The following ADK variants were observed in gnomAD, a reference collection of about 807,000 sequenced individuals.
ADK encodes N6,N6-dimethyladenosine kinase.
In ADK, 24 loss-of-function variants were observed where a neutral mutation model predicts 44.7. The observed-to-expected ratio is 0.54, with a 90% CI of 0.39 to 0.76. The LOEUF is 0.76. ADK is among the 30% of genes least tolerant of loss of function. ADK has a pLI of 0.00. For missense variants in ADK, 321 were observed against 425.1 expected (o/e 0.76, Z 2.15); for synonymous variants, 128 against 142.6 (o/e 0.90, Z 0.73).
At chr10:74,443,215 T>C (rs1258518411) in intron 6 of ADK, among the ~76,000 whole-genome samples, 1 of 152,194 alleles carries the variant, frequency 6.6e-6, no homozygotes, top group East Asian at 1.9e-4. Flanking sequence ...ATATGTTAAT[T>C]GGCTTGATAG....
chr10:74,528,032 A>G (rs1284360728), intron 7 of ADK: 2 of 901,562 alleles, frequency 2.2e-6, no homozygotes, highest in Non-Finnish European at 3.7e-6. Context: ...GTATTCGGCA[A>G]TAAAACCCAG....
At chr10:74,613,881 G>T (rs1852647135) in intron 9 of ADK, among the ~76,000 whole-genome samples, 1 of 152,076 alleles carries the variant, frequency 6.6e-6, no homozygotes, top group Non-Finnish European at 1.5e-5. Flanking sequence ...TGATAACCTT[G>T]TTGGCTTAGA....
At chr10:74,668,989 G>T (rs1463448021) in intron 9 of ADK, among the ~76,000 whole-genome samples, 1 of 150,134 alleles carries the variant, frequency 6.7e-6, no homozygotes, top group Non-Finnish European at 1.5e-5. Flanking sequence ...GTTGGAGTGT[G>T]TTATGATTAT....
At chr10:74,494,824 G>A (rs973414130) in intron 6 of ADK, among the ~76,000 whole-genome samples, 28 of 151,886 alleles carry the variant, frequency 1.8e-4, no homozygotes, top group African/African-American at 5.8e-4. Flanking sequence ...CACCACACCC[G>A]GCCAAGTTCT....
intron 3 of ADK, among the ~76,000 whole-genome samples, chr10:74,272,330 G>A (rs1846464265): frequency 6.6e-6 from 1 of 151,620 alleles, no homozygotes; most frequent in Admixed American, 6.6e-5. Flanking sequence ...TAGGCTGAGT[G>A]CAGTGGCATA....
At chr10:74,419,704 T>C (rs1592184931) in intron 6 of ADK, among the ~76,000 whole-genome samples, 1 of 152,166 alleles carries the variant, frequency 6.6e-6, no homozygotes, top group Admixed American at 6.6e-5. Flanking sequence ...ACCACCCCAA[T>C]TGGTACATTT....
chr10:74,491,242 G>T (rs1847472690), intron 6 of ADK, among the ~76,000 whole-genome samples: 1 of 151,914 alleles, frequency 6.6e-6, no homozygotes. Context: ...ATCTTCACTT[G>T]GTGCATCCCA....
chr10:74,640,217 G>A (rs1466128132), intron 9 of ADK, among the ~76,000 whole-genome samples: 1 of 152,188 alleles, frequency 6.6e-6, no homozygotes, highest in Admixed American at 6.5e-5. Flanking sequence ...AATGAGGCAG[G>A]GCCTTGAAAG....
At chr10:74,636,375 G>A (rs1853623126) in intron 9 of ADK, among the ~76,000 whole-genome samples, 1 of 152,152 alleles carries the variant, frequency 6.6e-6, no homozygotes, top group African/African-American at 2.4e-5. Context: ...GCAGAGGAAT[G>A]ATATGTTCAA....
At chr10:74,355,659 C>CTT (rs1842112246) in intron 4 of ADK, among the ~76,000 whole-genome samples, 1 of 152,122 alleles carries the variant, frequency 6.6e-6, no homozygotes, top group Non-Finnish European at 1.5e-5. Flanking sequence ...AAGTGTCTAA[C>CTT]TTTTATTCAG....
chr10:74,310,562 C>G (rs1840399543), intron 3 of ADK, among the ~76,000 whole-genome samples: 1 of 152,150 alleles, frequency 6.6e-6, no homozygotes, highest in African/African-American at 2.4e-5. Flanking sequence ...TCTCGTCTCT[C>G]TATCCTGTCT....
intron 7 of ADK, among the ~76,000 whole-genome samples, chr10:74,562,352 G>T (rs765578254): frequency 6.6e-6 from 1 of 152,160 alleles, no homozygotes; most frequent in Non-Finnish European, 1.5e-5. Flanking sequence ...GAGATGATGA[G>T]AAGACTAGGA....
intron 2 of ADK, among the ~76,000 whole-genome samples, chr10:74,208,898 G>A (rs1253802959): frequency 2.0e-5 from 3 of 151,948 alleles, no homozygotes; most frequent in Non-Finnish European, 2.9e-5. Context: ...CACCATGCCC[G>A]GCTAATTTTT....
chr10:74,190,402 C>T (rs1217091986), intron 1 of ADK, among the ~76,000 whole-genome samples: 1 of 152,214 alleles, frequency 6.6e-6, no homozygotes, highest in Non-Finnish European at 1.5e-5. Context: ...TCAGGTCTTT[C>T]TTGAGTATGC....
intron 4 of ADK, chr10:74,372,088 C>T (rs971435510): frequency 1.1e-5 from 8 of 753,250 alleles, no homozygotes; most frequent in African/African-American, 3.4e-5. Context: ...GGTTTGCGCG[C>T]GTGTGGCACC....
chr10:74,705,509 AT>A (rs1385490064), intron 10 of ADK, among the ~76,000 whole-genome samples: 16 of 152,202 alleles, frequency 1.1e-4, no homozygotes, highest in Admixed American at 2.0e-4. Context: ...CACTGCTCCC[AT>A]GGCCTTTTCT....
At chr10:74,674,906 A>T (rs367686649) in intron 10 of ADK, among the ~76,000 whole-genome samples, 112 of 113,796 alleles carry the variant, frequency 9.8e-4, no homozygotes, top group African/African-American at 3.4e-3. Flanking sequence ...ATTAATTAAT[A>T]AAATAATTGT....
At chr10:74,507,019 GTTATTTT>G (rs1848102947) in intron 6 of ADK, among the ~76,000 whole-genome samples, 1 of 151,996 alleles carries the variant, frequency 6.6e-6, no homozygotes, top group African/African-American at 2.4e-5. Context: ...CTGTATTGTA[GTTATTTT>G]TTAATGAGAT....
At chr10:74,323,311 G>A (rs1442704609) in intron 4 of ADK, among the ~76,000 whole-genome samples, 1 of 152,128 alleles carries the variant, frequency 6.6e-6, no homozygotes, top group Non-Finnish European at 1.5e-5. Flanking sequence ...GACAAGGATG[G>A]TCTTTGCCAT....
Sources: allele counts gnomAD v4.1 joint callset (sites outside exome capture counted in the v4.1 genomes callset), GRCh38; gene constraint gnomAD v4.1.1; transcripts MANE v1.5; gene names NCBI Gene and HGNC (gene_info 2026-07-23, HGNC 2026-07-21).